Variants in CPSF2 observed in about 807,000 individuals in gnomAD.
The protein encoded by CPSF2 is cleavage and polyadenylation specific factor 2.
Under a neutral mutation model 84.2 loss-of-function variants are expected in CPSF2, and 51 were observed. The observed-to-expected ratio is 0.61, with a 90% confidence interval of 0.48 to 0.77. The LOEUF is 0.77. Among genes scored for constraint, CPSF2 ranks in the 30% least tolerant of loss-of-function variants. The pLI is 0.00. For missense variants in CPSF2, 641 were observed against 929.4 expected (o/e 0.69, Z 4.03); for synonymous variants, 286 against 311.9 (o/e 0.92, Z 0.87).
At position 92,164,572 on chromosome 14, in the gene CPSF2, AG is replaced by A. The variant is rs1392725923; in HGVS notation, c.*2830del. The A allele has an allele frequency of 6.6e-6, 1 of 152,260 alleles. No individual in the cohort carries two copies. Among genetic ancestry groups the A allele is most frequent in the Non-Finnish European group, 1.5e-5 (1 of 68,050 alleles). The allele number at this position is 152,260 out of a possible 1,614,324, so 9.4% of individuals were successfully genotyped here. On this transcript the variant is annotated 3_prime_UTR_variant, in exon 16 of 16. Coordinates refer to ENST00000298875, the MANE Select transcript of CPSF2 (RefSeq NM_017437.3). ...ATCTTTGTTATTTAGAAGCAAGTAT[AG>A]GTATAACGTGGACTATCAACTGATA...
intron 1 of CPSF2, among the ~76,000 whole-genome samples, chr14:92,125,822 C>T (rs1360332368): frequency 6.6e-6 from 1 of 151,992 alleles, no homozygotes. Flanking sequence ...TGTTTCTACC[C>T]ATGTCTTACC....
In CPSF2 at chr14:92,153,372, C is replaced by T. The variant is rs558059520; in HGVS notation, c.1141-986C>T. The stretch of plus-strand genomic sequence containing the variant: ...TTAGGAAAAAATCATTTTTATTGGT[C>T]GTAGTGCTGAAAATATTTTTCTGTT... On this transcript the variant is annotated intron_variant, in intron 9 of 15. Transcript: ENST00000298875. Among the ~76,000 whole-genome samples, 4 of 152,004 alleles carry T rather than the reference C, an allele frequency of 2.6e-5. 1 individual carries two copies. In the Middle Eastern group the frequency reaches 0.01, roughly 388 times the overall value.
intron 1 of CPSF2, among the ~76,000 whole-genome samples, chr14:92,122,750 C>G (rs367738399): frequency 6.6e-6 from 1 of 152,202 alleles, no homozygotes; most frequent in African/African-American, 2.4e-5. Context: ...GATTGAACCC[C>G]GGCAAGTCTG....
At chr14:92,137,389 A>G (rs2069014412) in intron 6 of CPSF2, among the ~76,000 whole-genome samples, 1 of 152,056 alleles carries the variant, frequency 6.6e-6, no homozygotes, top group Admixed American at 6.6e-5. Context: ...TTGTAATTTT[A>G]GTAGAGATGA....
chr14:92,138,170 A>G, intron 6 of CPSF2, 62 bp from the exon 7 acceptor site: 1 of 790,130 alleles, frequency 1.3e-6, no homozygotes, highest in South Asian at 2.0e-5. Context: ...TTTAAGTAAG[A>G]GAAGCTATTA....
chr14:92,140,976 G>A (rs1366315923), intron 7 of CPSF2, among the ~76,000 whole-genome samples: 3 of 152,096 alleles, frequency 2.0e-5, no homozygotes, highest in Non-Finnish European at 4.4e-5. Context: ...TTTTGCTAGA[G>A]TTCAGTTTTA....
In CPSF2 at chr14:92,138,304, A is replaced by G. The variant is rs147424092; in HGVS notation, c.618A>G (p.Thr206=). Residue 206 remains threonine (T), a synonymous_variant, in exon 7 of 16, where the codon ACA becomes ACG. Coordinates refer to ENST00000298875, the MANE Select transcript of CPSF2 (RefSeq NM_017437.3). ...SLLITDSFNA[T]YVQPRRKQRD... is the part of the protein sequence containing the mutation. ...TTATCACAGATTCATTCAATGCTAC[A>G]TATGTACAGCCTAGAAGAAAACAGA... 954 of 1,607,292 alleles carry G rather than the reference A, an allele frequency of 5.9e-4. No individual in the cohort carries two copies. The highest frequency in any genetic ancestry group is 7.5e-4 in the Non-Finnish European group (881 of 1,177,138).
rs76483830 is a variant in CPSF2, at chr14:92,161,065, C to T, written c.2122-47C>T. On this transcript the variant is annotated intron_variant, in intron 14 of 15. Coordinates refer to ENST00000298875, the MANE Select transcript of CPSF2 (RefSeq NM_017437.3). ...TACTTTATTCAGTACAGTTGTATGT[C>T]TGGTGTTTTACTTGAAGTTATTCTT... 2.6e-3 allele frequency: 4,135 copies of T among 1,583,400 alleles called. 21 individuals are homozygous for T. The Middle Eastern group carries it at 0.027, about 10-fold the overall frequency.
intron 1 of CPSF2, among the ~76,000 whole-genome samples, chr14:92,124,386 C>T (rs1177492684): frequency 6.6e-6 from 1 of 152,074 alleles, no homozygotes; most frequent in Non-Finnish European, 1.5e-5. Context: ...TGAGGGCCTC[C>T]ATGGAGGCAG....
intron 9 of CPSF2, among the ~76,000 whole-genome samples, chr14:92,151,670 A>G (rs1385768368): frequency 6.6e-6 from 1 of 152,190 alleles, no homozygotes; most frequent in Non-Finnish European, 1.5e-5. Flanking sequence ...CAAGAGACTG[A>G]ATGGAGAAGC....
At chr14:92,133,145 C>T (rs2068955145) in intron 3 of CPSF2, among the ~76,000 whole-genome samples, 1 of 150,024 alleles carries the variant, frequency 6.7e-6, no homozygotes, top group Non-Finnish European at 1.5e-5. Context: ...TATGGCCGGG[C>T]GTGGTGGCTC....
chr14:92,152,709 G>A (rs1676115703), intron 9 of CPSF2, among the ~76,000 whole-genome samples: 1 of 152,100 alleles, frequency 6.6e-6, no homozygotes, highest in Admixed American at 6.5e-5. Flanking sequence ...AAAGTACTAG[G>A]ATTACAGGTA....
chr14:92,142,488 T>C, intron 8 of CPSF2, 137 bp downstream of exon 8: 1 of 639,984 alleles, frequency 1.6e-6, no homozygotes, highest in Non-Finnish European at 2.7e-6. Context: ...GCATTAACCA[T>C]TTACTGTCCT....
At chr14:92,126,076 A>G (rs2068842336) in intron 1 of CPSF2, 46 bp from the exon 2 acceptor site, 1 of 152,236 alleles carries the variant, frequency 6.6e-6, no homozygotes, top group Non-Finnish European at 1.5e-5. Flanking sequence ...TATAAACAGA[A>G]TGAAATCATA....
At position 92,121,999 on chromosome 14, in the gene CPSF2, C is replaced by T; in HGVS notation, c.-223C>T. ...TCTCCAGCTCCAAAATGGCGGCTGC[C>T]ACTGTGGGGCTTCTGCCGGCCGGTA... On this transcript the variant is annotated 5_prime_UTR_variant, in exon 1 of 16. Transcript: ENST00000298875. 3.0e-6 allele frequency: 2 copies of T among 662,898 alleles called. No individual in the cohort carries two copies. The highest frequency in any genetic ancestry group is 2.7e-5 in the East Asian group (1 of 36,420). 41.1% of individuals were successfully genotyped at this position (662,898 alleles called of 1,614,324 possible).
At chr14:92,155,611 A>T in intron 11 of CPSF2, among the ~76,000 whole-genome samples, 1 of 152,116 alleles carries the variant, frequency 6.6e-6, no homozygotes, top group East Asian at 1.9e-4. Context: ...CCCCCACTTA[A>T]AAAGAGAGGA....
At chr14:92,132,373 G>A (rs923330197) in intron 3 of CPSF2, among the ~76,000 whole-genome samples, 14 of 151,854 alleles carry the variant, frequency 9.2e-5, no homozygotes, top group Non-Finnish European at 2.1e-4. Flanking sequence ...GACCTCAGGC[G>A]ATCCACCTAC....
At chr14:92,133,454 TC>T (rs2068960414) in intron 3 of CPSF2, among the ~76,000 whole-genome samples, 1 of 152,018 alleles carries the variant, frequency 6.6e-6, no homozygotes, top group South Asian at 2.1e-4. Flanking sequence ...TGTCTACTGT[TC>T]TTTTTTGTTT....
At chr14:92,156,802 T>C (rs1019913581) in intron 12 of CPSF2, among the ~76,000 whole-genome samples, 171 bp downstream of exon 12, 27 of 152,226 alleles carry the variant, frequency 1.8e-4, no homozygotes, top group African/African-American at 6.5e-4. Flanking sequence ...GGCATGATAT[T>C]TTCTCTTCAT....
Sources: gnomAD v4.1 joint callset for allele counts (sites outside exome capture counted in the v4.1 genomes callset) on GRCh38, gnomAD v4.1.1 for gene constraint, MANE v1.5 for transcripts, NCBI Gene and HGNC (gene_info 2026-07-23, HGNC 2026-07-21) for gene names.